WDFY2: variants seen among roughly 807,000 people sequenced by gnomAD.
WDFY2 encodes the protein WD repeat and FYVE domain-containing protein 2.
A neutral mutation model predicts 56.4 loss-of-function variants in WDFY2; 36 were observed. That is an observed-to-expected ratio of 0.64 (90% CI 0.49 to 0.84). The LOEUF (loss-of-function observed/expected upper bound fraction) is 0.84. WDFY2 is among the 40% of genes least tolerant of loss of function. WDFY2 has a pLI of 0.00. For synonymous variants in WDFY2, 176 were observed against 183.7 expected (o/e 0.96, Z 0.34); for missense variants, 444 against 512.2 (o/e 0.87, Z 1.29).
Position 51,703,579 on chromosome 13 carries a change from T to G in WDFY2, c.280-17T>G. The G allele has an allele frequency of 6.4e-7, 1 of 1,563,322 alleles. No homozygotes were observed. Among genetic ancestry groups the G allele is most frequent in the South Asian group, 1.2e-5 (1 of 84,756 alleles). On this transcript the variant is annotated splice_polypyrimidine_tract_variant and intron_variant, in intron 3 of 11. Transcript: ENST00000298125. Reference sequence around the variant, plus strand: ...AAAGAATTTATTTTTGTTTAATAGTTTTCTTTTCTTTTACAGGAGTTTATA... The same window carrying G: ...AAAGAATTTATTTTTGTTTAATAGTGTTCTTTTCTTTTACAGGAGTTTATA...
intron 7 of WDFY2, among the ~76,000 whole-genome samples, chr13:51,748,599 C>T (rs1220771834): frequency 8.6e-5 from 13 of 151,890 alleles, no homozygotes; most frequent in Non-Finnish European, 1.3e-4. Flanking sequence ...TCTTTTCACA[C>T]GTGAGTACTC....
At chr13:51,697,350 G>T (rs1052234390) in intron 3 of WDFY2, among the ~76,000 whole-genome samples, 8 of 152,148 alleles carry the variant, frequency 5.3e-5, no homozygotes, top group African/African-American at 1.7e-4. Context: ...AAATGTAACA[G>T]ACTGGATGCA....
chr13:51,657,910 A>G (rs1464327175), intron 1 of WDFY2, among the ~76,000 whole-genome samples: 1 of 152,122 alleles, frequency 6.6e-6, no homozygotes, highest in Non-Finnish European at 1.5e-5. Context: ...TTGGTATAGT[A>G]AGCCTGTTTT....
chr13:51,692,789 C>T (rs1278326240), intron 3 of WDFY2, among the ~76,000 whole-genome samples: 4 of 152,052 alleles, frequency 2.6e-5, no homozygotes, highest in Admixed American at 1.3e-4. Flanking sequence ...CTCCTTGTAC[C>T]GCTGGTAGAA....
intron 5 of WDFY2, among the ~76,000 whole-genome samples, chr13:51,724,166 T>C (rs1273724249): frequency 6.6e-6 from 1 of 151,858 alleles, no homozygotes; most frequent in Non-Finnish European, 1.5e-5. Flanking sequence ...TTTTATTTTA[T>C]GTTCAAATTA....
At chr13:51,745,693 C>T (rs73199742) in intron 7 of WDFY2, among the ~76,000 whole-genome samples, 15,593 of 148,742 alleles carry the variant, frequency 0.1, 1,060 homozygotes, top group Admixed American at 0.2. Context: ...GTGCTTCCCC[C>T]CTCCTCCCCT....
intron 2 of WDFY2, among the ~76,000 whole-genome samples, chr13:51,674,072 T>C (rs1316386129): frequency 2.6e-5 from 4 of 152,106 alleles, no homozygotes; most frequent in Non-Finnish European, 5.9e-5. Context: ...ATAATCTAAG[T>C]TGGTTGTTTG....
At chr13:51,603,566 C>A (rs1421085416) in intron 1 of WDFY2, among the ~76,000 whole-genome samples, 1 of 152,140 alleles carries the variant, frequency 6.6e-6, no homozygotes, top group African/African-American at 2.4e-5. Context: ...TCTTTACATT[C>A]TAATGTAAGA....
intron 1 of WDFY2, among the ~76,000 whole-genome samples, chr13:51,618,702 A>G (rs1954669312): frequency 6.6e-6 from 1 of 152,212 alleles, no homozygotes; most frequent in African/African-American, 2.4e-5. Flanking sequence ...CCTCATTGCT[A>G]TTATGTTGCA....
intron 3 of WDFY2, among the ~76,000 whole-genome samples, chr13:51,685,387 G>C (rs1169779300): frequency 6.6e-6 from 1 of 152,170 alleles, no homozygotes; most frequent in African/African-American, 2.4e-5. Context: ...TTCCAGTTGA[G>C]AATTTGAGTA....
intron 8 of WDFY2, among the ~76,000 whole-genome samples, chr13:51,753,785 T>G (rs1325898738): frequency 6.6e-6 from 1 of 151,958 alleles, no homozygotes; most frequent in East Asian, 1.9e-4. Flanking sequence ...GTGTGTGTGT[T>G]TTAAAGTTTA....
intron 3 of WDFY2, among the ~76,000 whole-genome samples, chr13:51,677,653 AAGAT>A (rs1779144178): frequency 1.3e-5 from 2 of 152,224 alleles, no homozygotes; most frequent in Non-Finnish European, 2.9e-5. Context: ...CACATTGTGT[AAGAT>A]AGACAGTTAA....
At chr13:51,657,585 A>T (rs561685483) in intron 1 of WDFY2, among the ~76,000 whole-genome samples, 1 of 152,320 alleles carries the variant, frequency 6.6e-6, no homozygotes, top group South Asian at 2.1e-4. Context: ...TCCATATTGC[A>T]TATGTTGGTA....
intron 11 of WDFY2, among the ~76,000 whole-genome samples, chr13:51,759,343 A>G (rs1018158250): frequency 9.9e-5 from 15 of 151,934 alleles, no homozygotes; most frequent in Admixed American, 2.6e-4. Context: ...GATTCAATCT[A>G]TTTGGAGGGT....
intron 3 of WDFY2, among the ~76,000 whole-genome samples, chr13:51,697,725 T>C (rs572844861): frequency 1.3e-5 from 2 of 152,240 alleles, no homozygotes; most frequent in African/African-American, 4.8e-5. Flanking sequence ...GCCATTAAAA[T>C]TCACTGTTTC....
chr13:51,662,191 G>C (rs1230227586), intron 2 of WDFY2, among the ~76,000 whole-genome samples: 1 of 152,014 alleles, frequency 6.6e-6, no homozygotes, highest in South Asian at 2.1e-4. Context: ...GGCTGGTTTC[G>C]AACTCCTGAC....
At chr13:51,723,246 G>A (rs1015766743) in intron 5 of WDFY2, among the ~76,000 whole-genome samples, 1 of 152,026 alleles carries the variant, frequency 6.6e-6, no homozygotes, top group Non-Finnish European at 1.5e-5. Flanking sequence ...AAATATATGG[G>A]TTACTTTTTC....
intron 1 of WDFY2, among the ~76,000 whole-genome samples, chr13:51,623,316 G>A (rs1954776549): frequency 6.6e-6 from 1 of 152,082 alleles, no homozygotes; most frequent in Non-Finnish European, 1.5e-5. Context: ...GAATGGGCAA[G>A]CTAAGTAAGA....
rs541455174 is a variant in WDFY2 at position 51,668,729 on chromosome 13, C to T, written c.206-6441C>T. Among the ~76,000 whole-genome samples the T allele has an allele frequency of 5.3e-5, 8 of 152,190 alleles. No homozygotes were observed. In the East Asian group the frequency reaches 9.6e-4, roughly 18 times the overall value. On this transcript the variant is annotated intron_variant, in intron 2 of 11. Transcript: ENST00000298125. The stretch of plus-strand genomic sequence containing the variant: ...TGAAGTTTTTATTTGCAGAAGTCAC[C>T]GTTGTTATTTAGTTTTAAAGTTTGA...
Sources: gnomAD v4.1 joint callset for allele counts (sites outside exome capture counted in the v4.1 genomes callset) on GRCh38, gnomAD v4.1.1 for gene constraint, MANE v1.5 for transcripts, NCBI Gene and HGNC (gene_info 2026-07-23, HGNC 2026-07-21) for gene names.